ANK2: variants seen among roughly 807,000 people sequenced by gnomAD.
ANK2 encodes the protein ankyrin-2.
Under a neutral mutation model 360.5 loss-of-function variants are expected in ANK2, and 83 were observed. The observed-to-expected ratio is 0.23, with a 90% CI of 0.19 to 0.28. ANK2 has a LOEUF of 0.28. ANK2 is among the 10% of genes least tolerant of loss of function. ANK2 has a pLI of 1.00. For synonymous variants in ANK2, 1,740 were observed against 1,759.5 expected, an observed-to-expected ratio of 0.99 and a Z score of 0.28; for missense variants, 4,201 against 4,795.7, an observed-to-expected ratio of 0.88 and a Z score of 3.66.
At chr4:113,151,491 G>C (rs1180803938) in intron 1 of ANK2, among the ~76,000 whole-genome samples, 1 of 151,920 alleles carries the variant, frequency 6.6e-6, no homozygotes. Context: ...ACTCTCATAG[G>C]AACTAATACA....
chr4:112,902,114 TGCAAAA>T, intron 1 of ANK2, among the ~76,000 whole-genome samples: 1 of 152,268 alleles, frequency 6.6e-6, no homozygotes, highest in Non-Finnish European at 1.5e-5. Context: ...TAAACATGTA[TGCAAAA>T]GCCCAGGAAC....
chr4:113,229,377 T>C (rs1033479786), intron 4 of ANK2, among the ~76,000 whole-genome samples: 3 of 152,196 alleles, frequency 2.0e-5, no homozygotes, highest in African/African-American at 7.2e-5. Flanking sequence ...TTCTCTCCTC[T>C]TTGCCTTCTG....
chr4:112,792,769 C>T, the ANK2 span, among the ~76,000 whole-genome samples: 1 of 152,132 alleles, frequency 6.6e-6, no homozygotes, highest in South Asian at 2.1e-4. Context: ...TGAGTTACTT[C>T]TATTTTAGAA....
At chr4:113,330,064 A>G (rs2091956570) in intron 26 of ANK2, among the ~76,000 whole-genome samples, 182 bp from the exon 27 acceptor site, 1 of 152,232 alleles carries the variant, frequency 6.6e-6, no homozygotes, top group African/African-American at 2.4e-5. Flanking sequence ...AACAACAACA[A>G]AACAGAATTA....
chr4:113,216,950 C>T (rs1473354154), intron 4 of ANK2: 1 of 152,046 alleles, frequency 6.6e-6, no homozygotes, highest in African/African-American at 2.4e-5. Flanking sequence ...GAGGCAGCTT[C>T]TGTGTCAGTA....
chr4:113,247,548 A>G (rs990712035), intron 9 of ANK2, among the ~76,000 whole-genome samples: 3 of 152,210 alleles, frequency 2.0e-5, no homozygotes, highest in African/African-American at 7.2e-5. Context: ...ATGATTACAC[A>G]AAGACTATTT....
intron 1 of ANK2, chr4:112,826,789 T>C (rs961090671): frequency 1.4e-5 from 14 of 1,031,622 alleles, no homozygotes; most frequent in Non-Finnish European, 1.9e-5. Context: ...AATAAAATTC[T>C]GTTGCTTCAA....
rs147934418 is a variant in ANK2, at chr4:113,332,030, C to T, written c.3184C>T (p.Arg1062Cys). The T allele has an allele frequency of 5.0e-6, 8 of 1,614,020 alleles. No individual in the cohort carries two copies. The highest frequency in any genetic ancestry group is 4.5e-5 in the East Asian group (2 of 44,900). ...PLNEGESLVS[R>C]ILQLGPPGTK... Reference sequence around the variant, plus strand: ...TAATGAGGGAGAAAGTTTGGTCAGCCGCATTCTTCAGCTGGGGCCTCCTGG... The same window carrying T: ...TAATGAGGGAGAAAGTTTGGTCAGCTGCATTCTTCAGCTGGGGCCTCCTGG... The change falls in exon 28 of 46, where the codon CGC (arginine) becomes TGC (cysteine). Residue 1062 changes from arginine (R) to cysteine (C), a missense_variant. Coordinates refer to ENST00000357077, the MANE Select transcript of ANK2 (RefSeq NM_001148.6).
intron 2 of ANK2, among the ~76,000 whole-genome samples, chr4:113,193,342 G>A (rs2098700426): frequency 6.6e-6 from 1 of 152,190 alleles, no homozygotes; most frequent in African/African-American, 2.4e-5. Context: ...TCAGTTAAAT[G>A]TGTCTGACAA....
chr4:113,358,232 G>A lies in ANK2; in HGVS notation c.9614G>A (p.Gly3205Glu), dbSNP rs1198272598. 1 of 1,614,036 alleles carries A rather than the reference G, an allele frequency of 6.2e-7. No individual in the cohort carries two copies. The highest frequency in any genetic ancestry group is 8.5e-7 in the Non-Finnish European group (1 of 1,179,950). Reference sequence around the variant, plus strand: ...GATGCTCAACTTAACTCCCAAATGGGGATTTCAGCCTCCACTGAAACACCT... The same window carrying A: ...GATGCTCAACTTAACTCCCAAATGGAGATTTCAGCCTCCACTGAAACACCT... ...ASDAQLNSQM[G>E]ISASTETPTK... Residue 3205 changes from glycine (G) to glutamate (E), a missense_variant, in exon 38 of 46, where the codon GGG becomes GAG. Coordinates refer to ENST00000357077, the MANE Select transcript of ANK2 (RefSeq NM_001148.6).
chr4:113,106,783 T>C (rs1255938043), intron 1 of ANK2: 1 of 404,620 alleles, frequency 2.5e-6, no homozygotes, highest in African/African-American at 2.1e-5. Flanking sequence ...CAATATTTCA[T>C]AGGTGTGCCA....
chr4:113,237,714 T>C, intron 7 of ANK2, 92 bp downstream of exon 7: 1 of 1,179,552 alleles, frequency 8.5e-7, no homozygotes, highest in East Asian at 2.3e-5. Context: ...ATACTAATGA[T>C]TAGAAGTTTG....
intron 1 of ANK2, chr4:112,827,277 G>C (rs1199248503): frequency 4.8e-6 from 5 of 1,051,932 alleles, no homozygotes; most frequent in Non-Finnish European, 7.5e-6. Flanking sequence ...AGGCAGCCAA[G>C]AGTCATTGTA....
At chr4:112,893,009 T>A (rs2080566520) in intron 1 of ANK2, among the ~76,000 whole-genome samples, 1 of 152,188 alleles carries the variant, frequency 6.6e-6, no homozygotes, top group Non-Finnish European at 1.5e-5. Flanking sequence ...TCAACTATAT[T>A]TCAGATAAAT....
chr4:113,242,572 T>C (rs549605024), intron 9 of ANK2, among the ~76,000 whole-genome samples: 1 of 152,328 alleles, frequency 6.6e-6, no homozygotes, highest in East Asian at 1.9e-4. Flanking sequence ...AGAATGTGGC[T>C]TTTACACAAA....
At chr4:112,854,302 T>C (rs778763788) in intron 1 of ANK2, among the ~76,000 whole-genome samples, 2 of 152,192 alleles carry the variant, frequency 1.3e-5, no homozygotes, top group Non-Finnish European at 2.9e-5. Context: ...GAGGAAAATA[T>C]GTGAGTGAAA....
At chr4:113,284,676 T>G (rs891921376) in intron 18 of ANK2, among the ~76,000 whole-genome samples, 1 of 152,202 alleles carries the variant, frequency 6.6e-6, no homozygotes. Context: ...TTTATAACAA[T>G]GATTTCAGTA....
At chr4:112,809,136 G>C in the ANK2 span, among the ~76,000 whole-genome samples, 2 of 151,862 alleles carry the variant, frequency 1.3e-5, no homozygotes, top group African/African-American at 4.8e-5. Context: ...TAGGATTACA[G>C]GCGTGAGCCA....
At chr4:112,767,002 T>C in the ANK2 span, among the ~76,000 whole-genome samples, 1 of 152,256 alleles carries the variant, frequency 6.6e-6, no homozygotes, top group African/African-American at 2.4e-5. Context: ...TTTAAAAGTA[T>C]AATTATGCAA....
Sources: gnomAD v4.1 joint callset for allele counts (sites outside exome capture counted in the v4.1 genomes callset) on GRCh38, gnomAD v4.1.1 for gene constraint, MANE v1.5 for transcripts, NCBI Gene and HGNC (gene_info 2026-07-23, HGNC 2026-07-21) for gene names.